HS3ST5: variants seen among roughly 807,000 people sequenced by gnomAD.
HS3ST5 encodes the protein heparan sulfate-glucosamine 3-sulfotransferase 5.
HS3ST5 carries 10 observed loss-of-function variants against 25.4 expected under a neutral mutation model. The ratio of observed to expected loss-of-function variants is 0.39; its 90% CI spans 0.24 to 0.67. The LOEUF is 0.67. Ranked by LOEUF, HS3ST5 falls within the 30% of genes least tolerant of loss-of-function variation. The pLI is 0.44. For synonymous variants in HS3ST5, 170 were observed against 162.4 expected (o/e 1.05, Z -0.36); for missense variants, 324 against 420.7 (o/e 0.77, Z 2.01).
chr6:114,284,435 A>T (rs1436493162), intron 1 of HS3ST5, among the ~76,000 whole-genome samples: 5 of 151,808 alleles, frequency 3.3e-5, no homozygotes, highest in African/African-American at 1.2e-4. Flanking sequence ...TTCTCAAGTA[A>T]TTGTGCTGAA....
intron 1 of HS3ST5, among the ~76,000 whole-genome samples, chr6:114,321,232 T>C (rs1007357568): frequency 1.3e-5 from 2 of 152,144 alleles, no homozygotes; most frequent in African/African-American, 4.8e-5. Flanking sequence ...CCTAGCACAG[T>C]GCCTGAAACA....
intron 3 of HS3ST5, among the ~76,000 whole-genome samples, chr6:114,092,505 C>T (rs576180179): frequency 1.3e-5 from 2 of 152,150 alleles, no homozygotes; most frequent in East Asian, 3.9e-4. Context: ...TTTTATGGAT[C>T]ACAAGAGGTT....
chr6:114,137,103 G>A (rs1777655428), intron 3 of HS3ST5, among the ~76,000 whole-genome samples: 1 of 151,898 alleles, frequency 6.6e-6, no homozygotes, highest in African/African-American at 2.4e-5. Flanking sequence ...TAGCAATCTT[G>A]TTTCGATGAC....
At chr6:114,190,711 G>A (rs1198509960) in intron 2 of HS3ST5, among the ~76,000 whole-genome samples, 2 of 152,156 alleles carry the variant, frequency 1.3e-5, no homozygotes, top group Admixed American at 6.6e-5. Flanking sequence ...CTCTGTATGG[G>A]TCCTATGTAT....
chr6:114,084,451 T>A lies in HS3ST5; in HGVS notation c.-32-21574A>T, dbSNP rs185920936. On this transcript the variant is annotated intron_variant, in intron 3 of 4. Transcript: ENST00000312719. Reference sequence around the variant, plus strand: ...AGTCTCTTCAGGATCTCTGTAGAAGTAGAGATCAGGCATGACCTCCCGCGG... The same window carrying A: ...AGTCTCTTCAGGATCTCTGTAGAAGAAGAGATCAGGCATGACCTCCCGCGG... The A allele has an allele frequency of 3.5e-4, 268 of 756,860 alleles. 2 individuals carry two copies. The East Asian group carries it at 6.5e-3, about 18-fold the overall frequency. 46.9% of individuals were successfully genotyped at this position (756,860 alleles called of 1,614,324 possible).
intron 2 of HS3ST5, among the ~76,000 whole-genome samples, chr6:114,196,971 T>C (rs1424290188): frequency 6.6e-6 from 1 of 152,104 alleles, no homozygotes; most frequent in Non-Finnish European, 1.5e-5. Context: ...GTCTTTTTGG[T>C]AGCTGTTGCC....
chr6:114,332,068 T>C (rs1007481948), intron 1 of HS3ST5, among the ~76,000 whole-genome samples: 5 of 152,114 alleles, frequency 3.3e-5, no homozygotes, highest in Admixed American at 6.6e-5. Context: ...TGAAGGTTTC[T>C]TGGTCTGCAA....
At chr6:114,223,738 A>T (rs1298743955) in intron 2 of HS3ST5, among the ~76,000 whole-genome samples, 4 of 151,732 alleles carry the variant, frequency 2.6e-5, no homozygotes, top group Non-Finnish European at 5.9e-5. Context: ...TTTGTTGATA[A>T]TGAAAAAAAT....
chr6:114,122,016 TTCGCTCCTTGTCGAGACTGGGGCTC>T (rs2114878999), intron 3 of HS3ST5, among the ~76,000 whole-genome samples: 1 of 152,338 alleles, frequency 6.6e-6, no homozygotes, highest in South Asian at 2.1e-4. Flanking sequence ...ATGCCCTTGC[TTCGCTCCTTGTCGAGACTGGGGCTC>T]TTCCCTGACC....
chr6:114,134,612 G>T (rs559649491), intron 3 of HS3ST5, among the ~76,000 whole-genome samples: 5 of 152,076 alleles, frequency 3.3e-5, no homozygotes, highest in Non-Finnish European at 7.4e-5. Flanking sequence ...ATACCTGCTC[G>T]GGCCTTACCC....
intron 1 of HS3ST5, among the ~76,000 whole-genome samples, chr6:114,266,925 G>C (rs1314338699): frequency 6.6e-6 from 1 of 152,186 alleles, no homozygotes; most frequent in East Asian, 1.9e-4. Context: ...TTGCCCTCAA[G>C]ATACACTTTT....
chr6:114,235,101 C>A (rs542650155), intron 1 of HS3ST5, among the ~76,000 whole-genome samples: 2 of 151,990 alleles, frequency 1.3e-5, no homozygotes, highest in African/African-American at 4.8e-5. Context: ...CCAGCCTGGG[C>A]GACAGAGCAA....
chr6:114,300,228 C>T (rs1402893843), intron 1 of HS3ST5, among the ~76,000 whole-genome samples: 2 of 151,372 alleles, frequency 1.3e-5, no homozygotes, highest in East Asian at 3.9e-4. Flanking sequence ...AAAGACAACC[C>T]AGAGAATAGG....
At position 114,115,324 on chromosome 6, in the gene HS3ST5, G is replaced by A. The variant is rs973158459; in HGVS notation, c.-32-52447C>T. ...CAATGGCATTTAGTTGAATTTTGGG[G>A]AATAAGTTTTTGCAGCAAGTATGTC... On this transcript the variant is annotated intron_variant, in intron 3 of 4. Transcript: ENST00000312719. Among the ~76,000 whole-genome samples the A allele has an allele frequency of 3.3e-5, 5 of 152,120 alleles. No homozygotes were observed. In the South Asian group the frequency reaches 1.0e-3, roughly 31 times the overall value.
intron 1 of HS3ST5, among the ~76,000 whole-genome samples, chr6:114,272,399 G>A (rs934366341): frequency 6.6e-5 from 10 of 152,108 alleles, no homozygotes; most frequent in Non-Finnish European, 1.3e-4. Context: ...ACTTAACTTT[G>A]AAAGATTATC....
intron 1 of HS3ST5, among the ~76,000 whole-genome samples, chr6:114,322,744 AC>A (rs1222504091): frequency 2.0e-5 from 3 of 152,154 alleles, no homozygotes; most frequent in African/African-American, 7.2e-5. Context: ...GGTTTATTTC[AC>A]TTACCCACAT....
intron 3 of HS3ST5, among the ~76,000 whole-genome samples, chr6:114,118,906 A>G (rs1402188029): frequency 6.6e-6 from 1 of 152,220 alleles, no homozygotes; most frequent in Admixed American, 6.5e-5. Flanking sequence ...TGCTCCAGAT[A>G]GTGGCTGTTC....
chr6:114,203,157 C>T (rs1781108585), intron 2 of HS3ST5, among the ~76,000 whole-genome samples: 1 of 152,202 alleles, frequency 6.6e-6, no homozygotes, highest in South Asian at 2.1e-4. Flanking sequence ...GGGAAACCTC[C>T]CCTTTTCCCT....
intron 1 of HS3ST5, among the ~76,000 whole-genome samples, chr6:114,247,365 T>C (rs1380686847): frequency 1.3e-5 from 2 of 152,176 alleles, no homozygotes; most frequent in East Asian, 3.9e-4. Context: ...TCTTTACTTG[T>C]ACCTTAGTGA....
Sources: gnomAD v4.1 joint callset for allele counts (sites outside exome capture counted in the v4.1 genomes callset) on GRCh38, gnomAD v4.1.1 for gene constraint, MANE v1.5 for transcripts, NCBI Gene and HGNC (gene_info 2026-07-23, HGNC 2026-07-21) for gene names.